ATP13A5: variants seen among roughly 807,000 people sequenced by gnomAD.
ATP13A5 encodes probable cation-transporting ATPase 13A5.
ATP13A5 carries 149 observed loss-of-function variants against 150.2 expected under a neutral mutation model. The observed-to-expected ratio is 0.99, with a 90% CI of 0.87 to 1.14. The LOEUF is 1.14. Among genes scored for constraint, ATP13A5 ranks in the 50% most tolerant of loss-of-function variants. The pLI is 0.00. For missense variants in ATP13A5, 1,383 were observed against 1,449.3 expected, an observed-to-expected ratio of 0.95 and a Z score of 0.74; for synonymous variants, 497 against 522.2, an observed-to-expected ratio of 0.95 and a Z score of 0.66.
In ATP13A5 at chr3:193,314,149, T is replaced by C; in HGVS notation, c.2203A>G (p.Met735Val). 1.2e-6 allele frequency: 2 copies of C among 1,613,916 alleles called. No individual in the cohort carries two copies. Among genetic ancestry groups the C allele is most frequent in the Non-Finnish European group, 1.7e-6 (2 of 1,179,848 alleles). ...ATCACTTGGCTGCCTGGAGGGATCA[T>C]TTCAGAATTCTTTGCAACAGTAATG... ...TAITVAKNSE[M>V]IPPGSQVIIV... Residue 735 changes from methionine to valine, a missense_variant, in exon 19 of 30, where the codon ATG (methionine) becomes GTG (valine). Met to Val is a conservative substitution (Grantham distance 21). This residue lies in a region of ATP13A5 where 568 missense variants were observed against 621.5 expected (regional missense o/e 0.91). Coordinates refer to ENST00000342358, the MANE Select transcript of ATP13A5 (RefSeq NM_198505.4).
chr3:193,333,622 G>A, intron 11 of ATP13A5, 128 bp downstream of exon 11: 1 of 948,998 alleles, frequency 1.1e-6, no homozygotes, highest in South Asian at 1.8e-5. Flanking sequence ...CGCTGTCTAA[G>A]AAGCTCTTTT....
chr3:193,292,248 G>A (rs1391018051), intron 25 of ATP13A5, among the ~76,000 whole-genome samples: 1 of 152,078 alleles, frequency 6.6e-6, no homozygotes, highest in Non-Finnish European at 1.5e-5. Context: ...TTAGTGCTTG[G>A]AGTTCTCTCT....
At chr3:193,371,230 A>G (rs1484015645) in intron 1 of ATP13A5, among the ~76,000 whole-genome samples, 1 of 152,206 alleles carries the variant, frequency 6.6e-6, no homozygotes, top group East Asian at 1.9e-4. Context: ...TTAACCAGGG[A>G]GGGAGTCTCA....
rs1399317954 is a variant in ATP13A5, at chr3:193,324,845, C to T, written c.1674+19G>A. On this transcript the variant is annotated intron_variant, in intron 14 of 29. Coordinates refer to ENST00000342358, the MANE Select transcript of ATP13A5 (RefSeq NM_198505.4). ...AGATTTCCTCAGATTCTCATCTTTC[C>T]ATTAAACTATCACCTTACCCAGGCA... 4 of 1,606,262 alleles carry T rather than the reference C, an allele frequency of 2.5e-6. No individual in the cohort carries two copies. The South Asian group carries it at 3.4e-5, about 14-fold the overall frequency.
chr3:193,361,009 G>A (rs1220458799), intron 5 of ATP13A5, among the ~76,000 whole-genome samples: 1 of 152,152 alleles, frequency 6.6e-6, no homozygotes, highest in East Asian at 1.9e-4. Context: ...TATGTACAAT[G>A]TTTACTGAAG....
At chr3:193,368,207 A>G (rs1161126274) in intron 1 of ATP13A5, among the ~76,000 whole-genome samples, 1 of 152,220 alleles carries the variant, frequency 6.6e-6, no homozygotes, top group East Asian at 1.9e-4. Flanking sequence ...TTAATTAAAT[A>G]CCATTTATAA....
chr3:193,368,612 C>G (rs1296231375), intron 1 of ATP13A5, among the ~76,000 whole-genome samples: 1 of 151,962 alleles, frequency 6.6e-6, no homozygotes, highest in African/African-American at 2.4e-5. Flanking sequence ...AAACAAAGTC[C>G]AAAAAGAGAC....
Position 193,372,246 on chromosome 3 carries a change from G to A in ATP13A5, c.63+6417C>T, listed in dbSNP as rs1174069715. ...TGGGAGGCAGACGTTGCAGTGAGCCGAGATCGTGCCATTTCACTCCAGCCT... is the reference window on the plus strand; with the variant it reads ...TGGGAGGCAGACGTTGCAGTGAGCCAAGATCGTGCCATTTCACTCCAGCCT... On this transcript the variant is annotated intron_variant, in intron 1 of 29. Coordinates refer to ENST00000342358, the MANE Select transcript of ATP13A5 (RefSeq NM_198505.4). 7 of 138,004 alleles carry A rather than the reference G, an allele frequency of 5.1e-5. No individual in the cohort carries two copies. In the East Asian group the frequency reaches 6.7e-4, roughly 13 times the overall value. 8.5% of individuals were successfully genotyped at this position (138,004 alleles called of 1,614,324 possible). A position where few individuals can be genotyped will look rare whatever the true frequency, so the allele number is the denominator to read the frequency against.
At chr3:193,310,566 C>G in intron 21 of ATP13A5, 72 bp downstream of exon 21, 1 of 1,236,810 alleles carries the variant, frequency 8.1e-7, no homozygotes, top group Middle Eastern at 1.9e-4. Flanking sequence ...CATTCTGACT[C>G]ACACCTGAAT....
At chr3:193,285,587 A>T (rs1717688509) in intron 26 of ATP13A5, among the ~76,000 whole-genome samples, 1 of 152,164 alleles carries the variant, frequency 6.6e-6, no homozygotes, top group Non-Finnish European at 1.5e-5. Flanking sequence ...TTGCTGATAA[A>T]TTAAGCTCAA....
At chr3:193,304,029 C>G (rs994416988) in intron 23 of ATP13A5, among the ~76,000 whole-genome samples, 1 of 151,964 alleles carries the variant, frequency 6.6e-6, no homozygotes, top group African/African-American at 2.4e-5. Flanking sequence ...CAATGGAAAG[C>G]ATAAAATAAG....
rs561655304 is a variant in ATP13A5, at chr3:193,305,031, G to A, written c.2678+528C>T. On this transcript the variant is annotated intron_variant, in intron 23 of 29. Transcript: ENST00000342358. ...CCCCCATGATCCAGTCAACAGGCTG[G>A]GAACCACAACTCCAGATGAGATTTG... is the stretch of plus-strand genomic sequence containing the variant. Among the ~76,000 whole-genome samples, 17 of 152,124 alleles carry A rather than the reference G, an allele frequency of 1.1e-4. No homozygotes were observed. In the East Asian group the frequency reaches 1.2e-3, roughly 10 times the overall value.
At chr3:193,340,119 C>A (rs550538369) in intron 9 of ATP13A5, among the ~76,000 whole-genome samples, 10 of 152,302 alleles carry the variant, frequency 6.6e-5, no homozygotes, top group Non-Finnish European at 1.0e-4. Flanking sequence ...GAGGAAAGAA[C>A]CATCATTGCT....
Position 193,307,205 on chromosome 3 carries a change from A to G in ATP13A5, c.2568+122T>C, listed in dbSNP as rs1718650181. Reference sequence around the variant, plus strand: ...CCACACTCAGGTAGAGGTGGATATAAACAGCAAAATAATCAAATGGTTGCT... The same window carrying G: ...CCACACTCAGGTAGAGGTGGATATAGACAGCAAAATAATCAAATGGTTGCT... On this transcript the variant is annotated intron_variant, in intron 22 of 29. Transcript: ENST00000342358. The G allele has an allele frequency of 2.6e-6, 4 of 1,560,954 alleles. No individual in the cohort carries two copies. The South Asian group carries it at 3.5e-5, about 14-fold the overall frequency.
chr3:193,351,021 T>C, intron 7 of ATP13A5, 46 bp downstream of exon 7: 1 of 1,604,520 alleles, frequency 6.2e-7, no homozygotes, highest in Middle Eastern at 1.7e-4. Flanking sequence ...GCTTTACTTC[T>C]TTAGCTAGAA....
At position 193,275,097 on chromosome 3, in the gene ATP13A5, C is replaced by G. The variant is rs1325204189; in HGVS notation, c.3602G>C (p.Arg1201Thr). 1.2e-6 allele frequency: 2 copies of G among 1,614,038 alleles called. No homozygotes were observed. The highest frequency in any genetic ancestry group is 2.7e-5 in the African/African-American group (2 of 74,914). Reference protein sequence around the residue: ...GYESHEQIPKRKLKLGGQPTE... With the variant: ...GYESHEQIPKTKLKLGGQPTE... ...GGGTTGGCCTCCCAATTTGAGTTTT[C>G]TTTTTGGAATCTGTTCATGGCTTTC... The change falls in exon 30 of 30, where the codon AGA becomes ACA. Residue 1201 changes from arginine (R) to threonine (T), a missense_variant. By Grantham distance (71) the Arg-to-Thr change is moderately conservative. Transcript: ENST00000342358.
intron 21 of ATP13A5, 117 bp from the exon 22 acceptor site, chr3:193,307,486 A>G (rs1420355245): frequency 8.1e-7 from 1 of 1,228,636 alleles, no homozygotes; most frequent in East Asian, 2.5e-5. Context: ...TCCCCTGAAC[A>G]CACCTGGAAT....
At position 193,274,827 on chromosome 3, in the gene ATP13A5, T is replaced by C. The variant is rs1577315806; in HGVS notation, c.*215A>G. On this transcript the variant is annotated 3_prime_UTR_variant, in exon 30 of 30. Transcript: ENST00000342358. ...GAATACAGTTTATTGAAAAGGATGA[T>C]ACAGGAAATGCATTTTTTTCTCTCA... The C allele has an allele frequency of 3.2e-6, 2 of 625,442 alleles. No individual in the cohort carries two copies. The highest frequency in any genetic ancestry group is 4.2e-5 in the South Asian group (2 of 47,656). 38.7% of individuals were successfully genotyped at this position (625,442 alleles called of 1,614,324 possible). A position where few individuals can be genotyped will look rare whatever the true frequency, so the allele number is the denominator to read the frequency against.
chr3:193,314,497 T>C, intron 18 of ATP13A5: 1 of 332,374 alleles, frequency 3.0e-6, no homozygotes, highest in East Asian at 6.4e-5. Context: ...GTGGAGAATA[T>C]AGCATGATCT....
Sources: allele counts gnomAD v4.1 joint callset (sites outside exome capture counted in the v4.1 genomes callset), GRCh38; gene constraint gnomAD v4.1.1; regional missense constraint gnomAD v4.1.1; transcripts MANE v1.5; gene names NCBI Gene and HGNC (gene_info 2026-07-23, HGNC 2026-07-21).